CDH13: variants seen among roughly 807,000 people sequenced by gnomAD.
CDH13 encodes the protein cadherin 13.
In CDH13, 24 loss-of-function variants were observed where a neutral mutation model predicts 63.8. The observed-to-expected ratio is 0.38, with a 90% CI of 0.27 to 0.53. The LOEUF is 0.53. Among genes scored for constraint, CDH13 ranks in the 20% least tolerant of loss-of-function variants. The pLI is 0.85. For synonymous variants in CDH13, 503 were observed against 355.3 expected (o/e 1.42, Z -4.67); for missense variants, 1,049 against 903.1 (o/e 1.16, Z -2.07).
chr16:83,015,723 A>ATATATATATATATATATATAT (rs1293160001), intron 2 of CDH13, among the ~76,000 whole-genome samples: 1 of 125,712 alleles, frequency 8.0e-6, no homozygotes, highest in Non-Finnish European at 1.7e-5. Flanking sequence ...ATATATATAT[A>ATATATATATATATATATATAT]AAGAAAAAGC....
intron 5 of CDH13, among the ~76,000 whole-genome samples, chr16:83,332,360 A>G (rs1299940951): frequency 2.0e-5 from 3 of 152,176 alleles, no homozygotes; most frequent in Non-Finnish European, 4.4e-5. Context: ...GGAATTCATT[A>G]GACTATACTT....
intron 7 of CDH13, among the ~76,000 whole-genome samples, chr16:83,588,617 A>T (rs544188905): frequency 3.3e-5 from 5 of 152,212 alleles, no homozygotes; most frequent in Non-Finnish European, 7.4e-5. Context: ...ATACTTAGAA[A>T]GTGACTGACA....
At chr16:83,384,068 A>C (rs12050931) in intron 6 of CDH13, among the ~76,000 whole-genome samples, 51,926 of 152,112 alleles carry the variant, frequency 0.34, 9,976 homozygotes, top group Admixed American at 0.45. Flanking sequence ...GTCTACAACT[A>C]CTGTATCTCT....
chr16:82,965,799 CTTTAT>C (rs1218362954), intron 2 of CDH13, among the ~76,000 whole-genome samples: 1 of 152,122 alleles, frequency 6.6e-6, no homozygotes, highest in Non-Finnish European at 1.5e-5. Flanking sequence ...GGCCAGTAAA[CTTTAT>C]TTTATTTTAA....
At chr16:83,016,445 A>G (rs908127376) in intron 2 of CDH13, among the ~76,000 whole-genome samples, 6 of 152,194 alleles carry the variant, frequency 3.9e-5, no homozygotes, top group African/African-American at 1.2e-4. Context: ...AAGCCTAGCC[A>G]GAGATATGGA....
At chr16:83,042,795 G>C (rs1330607252) in intron 3 of CDH13, among the ~76,000 whole-genome samples, 1 of 152,212 alleles carries the variant, frequency 6.6e-6, no homozygotes, top group African/African-American at 2.4e-5. Context: ...TGACTTGGGT[G>C]ATTATATCGA....
intron 6 of CDH13, among the ~76,000 whole-genome samples, chr16:83,435,546 G>A (rs1421574603): frequency 1.3e-5 from 2 of 151,948 alleles, no homozygotes; most frequent in East Asian, 1.9e-4. Flanking sequence ...ACTCTCCCAC[G>A]CCCACTGTAG....
chr16:83,062,571 A>G (rs1286801112), intron 3 of CDH13, among the ~76,000 whole-genome samples: 1 of 152,188 alleles, frequency 6.6e-6, no homozygotes, highest in Admixed American at 6.5e-5. Context: ...TTCTCTATGT[A>G]ACAGGAAGCA....
intron 1 of CDH13, among the ~76,000 whole-genome samples, chr16:82,729,598 A>C (rs1172786087): frequency 6.6e-6 from 1 of 152,154 alleles, no homozygotes; most frequent in Non-Finnish European, 1.5e-5. Flanking sequence ...GTAGCACTGC[A>C]AGAGTAATTT....
intron 10 of CDH13, among the ~76,000 whole-genome samples, chr16:83,734,032 C>G (rs1016515620): frequency 6.6e-6 from 1 of 152,078 alleles, no homozygotes; most frequent in African/African-American, 2.4e-5. Context: ...GTTTAGTCAC[C>G]AGATTAAACC....
chr16:82,837,273 G>A (rs1187619268), intron 1 of CDH13, among the ~76,000 whole-genome samples: 4 of 152,038 alleles, frequency 2.6e-5, no homozygotes, highest in African/African-American at 9.7e-5. Context: ...TGGTGAGCAT[G>A]GGGAGAGCTT....
At chr16:83,533,625 T>TTC (rs1402986854) in intron 7 of CDH13, among the ~76,000 whole-genome samples, 2 of 147,140 alleles carry the variant, frequency 1.4e-5, no homozygotes, top group African/African-American at 5.0e-5. Flanking sequence ...TATCTTTTTT[T>TTC]TTTTTTTTTT....
At chr16:83,722,497 A>C (rs555899909) in intron 10 of CDH13, among the ~76,000 whole-genome samples, 1 of 152,188 alleles carries the variant, frequency 6.6e-6, no homozygotes, top group Non-Finnish European at 1.5e-5. Flanking sequence ...AAATACTTCT[A>C]TCATGGAATT....
At chr16:82,931,406 C>A (rs1466413321) in intron 2 of CDH13, among the ~76,000 whole-genome samples, 5 of 152,156 alleles carry the variant, frequency 3.3e-5, no homozygotes. Context: ...TCACATCCTA[C>A]TTTTCAAAAT....
intron 10 of CDH13, among the ~76,000 whole-genome samples, chr16:83,720,035 T>C (rs1909479136): frequency 6.6e-6 from 1 of 152,100 alleles, no homozygotes; most frequent in African/African-American, 2.4e-5. Context: ...GAATCAAGCT[T>C]GTCTTCCTGG....
chr16:83,138,296 C>G (rs1597399062), intron 4 of CDH13, among the ~76,000 whole-genome samples: 1 of 151,970 alleles, frequency 6.6e-6, no homozygotes, highest in Non-Finnish European at 1.5e-5. Flanking sequence ...TATGGATTCC[C>G]CCGAGAAGAA....
chr16:82,854,771 G>A (rs1399744411), intron 1 of CDH13, among the ~76,000 whole-genome samples: 1 of 152,164 alleles, frequency 6.6e-6, no homozygotes, highest in African/African-American at 2.4e-5. Context: ...CTCCCAGAGA[G>A]ATCTATATTT....
At chr16:82,733,232 C>G (rs956233484) in intron 1 of CDH13, among the ~76,000 whole-genome samples, 1 of 152,228 alleles carries the variant, frequency 6.6e-6, no homozygotes, top group Non-Finnish European at 1.5e-5. Context: ...AATCATTTCA[C>G]TGGTCCTCCC....
In CDH13 at chr16:83,795,573, T is replaced by G. The variant is rs1473401951; in HGVS notation, c.*543T>G. On this transcript the variant is annotated 3_prime_UTR_variant, in exon 14 of 14. Coordinates refer to ENST00000567109, the MANE Select transcript of CDH13 (RefSeq NM_001257.5). ...GGACAGACCACAGAGCTGTCACTTT[T>G]GCTCCGAAGCTACTTCTCCACTGTC... The G allele has an allele frequency of 6.5e-6, 1 of 152,726 alleles. No individual in the cohort carries two copies. Among genetic ancestry groups the G allele is most frequent in the East Asian group, 1.9e-4 (1 of 5,206 alleles). The allele number at this position is 152,726 out of a possible 1,614,324, so 9.5% of individuals were successfully genotyped here.
Sources: gnomAD v4.1 joint callset for allele counts (sites outside exome capture counted in the v4.1 genomes callset) on GRCh38, gnomAD v4.1.1 for gene constraint, MANE v1.5 for transcripts, NCBI Gene and HGNC (gene_info 2026-07-23, HGNC 2026-07-21) for gene names.